PRTN3: variants seen among roughly 807,000 people sequenced by gnomAD.
The protein encoded by PRTN3 is proteinase 3.
In PRTN3, 22 loss-of-function variants were observed where a neutral mutation model predicts 20.7. The observed-to-expected ratio is 1.06, with a 90% CI of 0.76 to 1.52. PRTN3 has a LOEUF of 1.52. PRTN3 is among the 40% of genes most tolerant of loss of function. The probability of loss-of-function intolerance (pLI) is 0.00; values close to 1 mark genes in which losing one functional copy is unlikely to be tolerated. For missense variants in PRTN3, 378 were observed against 359.6 expected (o/e 1.05, Z -0.41); for synonymous variants, 173 against 152.9 (o/e 1.13, Z -0.97).
Position 847,973 on chromosome 19 carries a change from G to A in PRTN3, c.*4G>A, listed in dbSNP as rs371405241. 271 of 1,595,938 alleles carry A rather than the reference G, an allele frequency of 1.7e-4. No homozygotes were observed. Among genetic ancestry groups the A allele is most frequent in the Non-Finnish European group, 2.1e-4 (249 of 1,172,136 alleles). Reference sequence around the variant, plus strand: ...GGAGGCCAAGGGCCGCCCCTGAACCGCCCCTCCCACAGCGCTGGCCGGGAC... The same window carrying A: ...GGAGGCCAAGGGCCGCCCCTGAACCACCCCTCCCACAGCGCTGGCCGGGAC... On this transcript the variant is annotated 3_prime_UTR_variant, in exon 5 of 5. Transcript: ENST00000234347.
Position 846,225 on chromosome 19 carries a change from AC to A in PRTN3, c.451del (p.Gln151SerfsTer57). The A allele has an allele frequency of 6.5e-7, 1 of 1,550,150 alleles. No individual in the cohort carries two copies. Among genetic ancestry groups the A allele is most frequent in the Non-Finnish European group, 8.7e-7 (1 of 1,147,134 alleles). ...PQQDQPVPHGTQCLAMGWGRV... is the reference protein window; with the variant it reads ...PQQDQPVPHGXQCLAMGWGRV... ...GCAGGACCAGCCAGTGCCCCACGGC[AC>A]CCAGTGCCTGGCCATGGGCTGGGGC... On this transcript the variant is annotated frameshift_variant, in exon 4 of 5. Coordinates refer to ENST00000234347, the MANE Select transcript of PRTN3 (RefSeq NM_002777.4). LOFTEE classifies it high-confidence loss of function.
chr19:842,281 G>T lies in PRTN3; in HGVS notation c.62-1180G>T, dbSNP rs116896857. Among the ~76,000 whole-genome samples the T allele has an allele frequency of 2.7e-5, 4 of 147,190 alleles. No individual in the cohort carries two copies. The South Asian group carries it at 8.7e-4, about 32-fold the overall frequency. ...CCTGAGGGGGATTTTCAATGCCTCA[G>T]TTTGTTCATCTGCAAAATGGGTCTC... On this transcript the variant is annotated intron_variant, in intron 1 of 4. Transcript: ENST00000234347.
chr19:841,136 A>C, intron 1 of PRTN3, 67 bp downstream of exon 1: 1 of 1,553,156 alleles, frequency 6.4e-7, no homozygotes, highest in East Asian at 2.3e-5. Context: ...AATATCCACC[A>C]CGAGGTCCAT....
Position 848,094 on chromosome 19 carries a change from C to A in PRTN3, c.*125C>A, listed in dbSNP as rs983105641. ...TCCGGGACGGCCCCACCCGTCCCCC[C>A]ACACTCCCTCCCACGGGGCTCCGGG... On this transcript the variant is annotated 3_prime_UTR_variant, in exon 5 of 5. Coordinates refer to ENST00000234347, the MANE Select transcript of PRTN3 (RefSeq NM_002777.4). 7 of 1,220,434 alleles carry A rather than the reference C, an allele frequency of 5.7e-6. No homozygotes were observed. The East Asian group carries it at 7.7e-5, about 13-fold the overall frequency. The allele number at this position is 1,220,434 out of a possible 1,614,324, so 75.6% of individuals were successfully genotyped here. A position where few individuals can be genotyped will look rare whatever the true frequency, so the allele number is the denominator to read the frequency against.
In PRTN3 at chr19:847,678, G is replaced by A. The variant is rs959057863; in HGVS notation, c.601-121G>A. 17 of 1,254,862 alleles carry A rather than the reference G, an allele frequency of 1.4e-5. No individual in the cohort carries two copies. In the African/African-American group the frequency reaches 2.0e-4, roughly 14 times the overall value. 77.7% of individuals were successfully genotyped at this position (1,254,862 alleles called of 1,614,324 possible). A position where few individuals can be genotyped will look rare whatever the true frequency, so the allele number is the denominator to read the frequency against. The stretch of plus-strand genomic sequence containing the variant: ...CTGGCTGCCTGGGGCCAGCCCGGGT[G>A]ACTGGCTGTCCCCATCCTCCCGGGA... On this transcript the variant is annotated intron_variant, in intron 4 of 4. Transcript: ENST00000234347.
Position 844,053 on chromosome 19 carries a change from G to A in PRTN3, c.369+19G>A, listed in dbSNP as rs370580398. ...CATCCAGGTGGGCGGGCAGGGCCGC[G>A]AGGGCTCGGAGGGGCACGGCCAGAG... On this transcript the variant is annotated intron_variant, in intron 3 of 4. Coordinates refer to ENST00000234347, the MANE Select transcript of PRTN3 (RefSeq NM_002777.4). 17 of 1,587,818 alleles carry A rather than the reference G, an allele frequency of 1.1e-5. No individual in the cohort carries two copies. The highest frequency in any genetic ancestry group is 6.9e-6 in the Non-Finnish European group (8 of 1,167,550).
intron 3 of PRTN3, among the ~76,000 whole-genome samples, chr19:844,638 C>T (rs2035494087): frequency 6.7e-6 from 1 of 150,358 alleles, no homozygotes; most frequent in African/African-American, 2.5e-5. Flanking sequence ...CCACAGCCCT[C>T]CCCGATTCAC....
At chr19:844,159 C>T in intron 3 of PRTN3, 125 bp downstream of exon 3, 1 of 1,314,632 alleles carries the variant, frequency 7.6e-7, no homozygotes, top group Non-Finnish European at 1.0e-6. Flanking sequence ...CCGCTGCAGC[C>T]TGGGTCCAGT....
chr19:846,795 T>A (rs1050302102), intron 4 of PRTN3, among the ~76,000 whole-genome samples: 76 of 152,056 alleles, frequency 5.0e-4, no homozygotes, highest in African/African-American at 1.8e-3. Flanking sequence ...CAGGCTGGAG[T>A]GCAGTGGTGA....
At position 848,163 on chromosome 19, in the gene PRTN3, A is replaced by G; in HGVS notation, c.*194A>G. On this transcript the variant is annotated 3_prime_UTR_variant, in exon 5 of 5. Coordinates refer to ENST00000234347, the MANE Select transcript of PRTN3 (RefSeq NM_002777.4). ...CCTCACCCCACCGTGACCTCAATAA[A>G]CGTTGAAACTCCCCCTGGCTCCTGT... 1.6e-6 allele frequency: 1 copy of G among 637,454 alleles called. No individual in the cohort carries two copies. 39.5% of individuals were successfully genotyped at this position (637,454 alleles called of 1,614,324 possible).
chr19:848,037 A>G lies in PRTN3; in HGVS notation c.*68A>G. The G allele has an allele frequency of 6.6e-7, 1 of 1,512,448 alleles. No individual in the cohort carries two copies. The highest frequency in any genetic ancestry group is 2.2e-4 in the Middle Eastern group (1 of 4,540). 93.7% of individuals were successfully genotyped at this position (1,512,448 alleles called of 1,614,324 possible). A position where few individuals can be genotyped will look rare whatever the true frequency, so the allele number is the denominator to read the frequency against. ...CCAAACCCTCGAGGCGGATCTTTGG[A>G]CAGAAGCAGCTCTTCCCCGAACACT... On this transcript the variant is annotated 3_prime_UTR_variant, in exon 5 of 5. Transcript: ENST00000234347.
chr19:845,730 AAAAG>A (rs753481339), intron 3 of PRTN3, among the ~76,000 whole-genome samples: 2,098 of 149,214 alleles, frequency 0.014, 26 homozygotes, highest in South Asian at 0.04. Flanking sequence ...AAAAAAAAAG[AAAAG>A]AAAGAAAGAA....
Position 842,973 on chromosome 19 carries a change from GGT to G in PRTN3, c.62-484_62-483del, listed in dbSNP as rs371307536. Among the ~76,000 whole-genome samples the G allele has an allele frequency of 7.4e-3, 1,129 of 152,116 alleles. 13 individuals carry two copies. Among genetic ancestry groups the G allele is most frequent in the African/African-American group, 0.025 (1,055 of 41,460 alleles). Reference sequence around the variant, plus strand: ...TCTGTTGCCCAGGCTGGAGTGCAGTGGTGTGATCTCAGTTCACTGCAGCCTTG... The same window carrying G: ...TCTGTTGCCCAGGCTGGAGTGCAGTGGTGATCTCAGTTCACTGCAGCCTTG... On this transcript the variant is annotated intron_variant, in intron 1 of 4. Transcript: ENST00000234347.
At chr19:841,489 T>TGAGTGAATGAGTGAATGAGTGAAC (rs1282655486) in intron 1 of PRTN3, among the ~76,000 whole-genome samples, 1 of 147,938 alleles carries the variant, frequency 6.8e-6, no homozygotes, top group Non-Finnish European at 1.5e-5. Flanking sequence ...AGTGAATGAA[T>TGAGTGAATGAGTGAATGAGTGAAC]GAGTGAATGA....
In PRTN3 at chr19:847,907, G is replaced by T. The variant is rs779656305; in HGVS notation, c.709G>T (p.Ala237Ser). 1 of 1,608,272 alleles carries T rather than the reference G, an allele frequency of 6.2e-7. No homozygotes were observed. The highest frequency in any genetic ancestry group is 1.1e-5 in the South Asian group (1 of 89,864). ...RLFPDFFTRV[A>S]LYVDWIRSTL... ...TTTCCCTGACTTCTTCACGCGGGTA[G>T]CCCTCTACGTGGACTGGATCCGTTC... Residue 237 changes from alanine (A) to serine (S), a missense_variant, in exon 5 of 5, where the codon GCC becomes TCC. Physicochemically the swap from Ala to Ser is moderately conservative, Grantham distance 99. Coordinates refer to ENST00000234347, the MANE Select transcript of PRTN3 (RefSeq NM_002777.4).
At chr19:842,735 G>A (rs924160740) in intron 1 of PRTN3, among the ~76,000 whole-genome samples, 3 of 150,532 alleles carry the variant, frequency 2.0e-5, no homozygotes, top group Non-Finnish European at 4.4e-5. Context: ...CTACAGGCAC[G>A]TGCCACCACG....
At chr19:842,164 T>A (rs1034898180) in intron 1 of PRTN3, among the ~76,000 whole-genome samples, 1 of 151,734 alleles carries the variant, frequency 6.6e-6, no homozygotes, top group African/African-American at 2.4e-5. Context: ...TAGCTGGGAT[T>A]ACAAGCACAC....
At chr19:841,117 T>C (rs1288010504) in intron 1 of PRTN3, 48 bp downstream of exon 1, 1 of 1,588,430 alleles carries the variant, frequency 6.3e-7, no homozygotes, top group East Asian at 2.2e-5. Flanking sequence ...CCCCGGTGGA[T>C]TGTGGGGAAA....
At chr19:841,351 C>A (rs1159768518) in intron 1 of PRTN3, among the ~76,000 whole-genome samples, 3 of 152,190 alleles carry the variant, frequency 2.0e-5, no homozygotes, top group Non-Finnish European at 2.9e-5. Flanking sequence ...TAGTAACAGG[C>A]GAATTCCTGG....
Sources: allele counts gnomAD v4.1 joint callset (sites outside exome capture counted in the v4.1 genomes callset), GRCh38; gene constraint gnomAD v4.1.1; transcripts MANE v1.5; gene names NCBI Gene and HGNC (gene_info 2026-07-23, HGNC 2026-07-21).